ANKRD11: variants seen among roughly 807,000 people sequenced by gnomAD.
ANKRD11 encodes the protein ankyrin repeat domain 11.
A neutral mutation model predicts 195.7 loss-of-function variants in ANKRD11; 17 were observed. That is an observed-to-expected ratio of 0.09 (90% confidence interval 0.06 to 0.13). The LOEUF is 0.13. Ranked by LOEUF, ANKRD11 falls within the 10% of genes least tolerant of loss-of-function variation. ANKRD11 has a pLI of 1.00. For missense variants in ANKRD11, 3,735 were observed against 3,566.1 expected (o/e 1.05, Z -1.21); for synonymous variants, 1,953 against 1,528.1 (o/e 1.28, Z -6.49).
chr16:89,299,084 C>G (rs905203113), intron 4 of ANKRD11: 5 of 152,806 alleles, frequency 3.3e-5, no homozygotes, highest in African/African-American at 7.2e-5. Flanking sequence ...CGGCAGGACC[C>G]AAGTCCTCTG....
intron 1 of ANKRD11, among the ~76,000 whole-genome samples, chr16:89,486,209 T>G (rs961277099): frequency 6.6e-6 from 1 of 151,922 alleles, no homozygotes; most frequent in African/African-American, 2.4e-5. Context: ...CCCAACACTT[T>G]AGGAGACTGA....
Position 89,334,174 on chromosome 16 carries a change from C to G in ANKRD11, c.-59-17096G>C, listed in dbSNP as rs372752530. ...AAAAAAAAAAAAAAAAAAAAAAAAA[C>G]AGAGAGAGAGAGAAAGAAAGAAAAA... On this transcript the variant is annotated intron_variant, in intron 2 of 12. Coordinates refer to ENST00000301030, the MANE Select transcript of ANKRD11 (RefSeq NM_013275.6). 5.9e-3 allele frequency among the ~76,000 whole-genome samples: 439 copies of G among 74,770 alleles called. 8 individuals are homozygous for G. The highest frequency in any genetic ancestry group is 0.026 in the African/African-American group (415 of 16,024). The allele number at this position is 74,770 out of a possible 152,430, so 49.1% of individuals were successfully genotyped here.
chr16:89,450,841 C>A (rs998290052), intron 1 of ANKRD11, among the ~76,000 whole-genome samples: 2 of 152,114 alleles, frequency 1.3e-5, no homozygotes, highest in African/African-American at 4.8e-5. Context: ...TAATATCACA[C>A]AGAAACTAAA....
chr16:89,452,851 T>C (rs1377870970), intron 1 of ANKRD11, among the ~76,000 whole-genome samples: 1 of 151,462 alleles, frequency 6.6e-6, no homozygotes. Context: ...TTCCCCTCAC[T>C]ACTTTTAGAT....
chr16:89,453,545 G>A (rs766808005), intron 1 of ANKRD11, among the ~76,000 whole-genome samples: 1 of 152,172 alleles, frequency 6.6e-6, no homozygotes, highest in Non-Finnish European at 1.5e-5. Flanking sequence ...GGACAAAGCT[G>A]CTTGCCAGCT....
At chr16:89,442,337 G>A (rs1439335483) in intron 1 of ANKRD11, among the ~76,000 whole-genome samples, 2 of 152,200 alleles carry the variant, frequency 1.3e-5, no homozygotes, top group East Asian at 3.9e-4. Flanking sequence ...TTTTGAATGT[G>A]ATGGAGGGAT....
intron 1 of ANKRD11, among the ~76,000 whole-genome samples, chr16:89,449,841 C>T (rs1250581655): frequency 2.0e-5 from 3 of 150,866 alleles, no homozygotes; most frequent in Non-Finnish European, 2.9e-5. Context: ...AGGTAAGGTG[C>T]TCACATACTG....
intron 1 of ANKRD11, among the ~76,000 whole-genome samples, chr16:89,481,562 A>G (rs1029922897): frequency 6.6e-6 from 1 of 152,194 alleles, no homozygotes; most frequent in African/African-American, 2.4e-5. Flanking sequence ...GTCTCAAAAA[A>G]AGAACCATTT....
At chr16:89,302,362 C>T (rs955081786) in intron 4 of ANKRD11, among the ~76,000 whole-genome samples, 1 of 152,222 alleles carries the variant, frequency 6.6e-6, no homozygotes, top group African/African-American at 2.4e-5. Context: ...ACGCAATTCT[C>T]CTGCCTCAGC....
At chr16:89,489,996 AC>A (rs1334359221) in intron 1 of ANKRD11, among the ~76,000 whole-genome samples, 1 of 33,432 alleles carries the variant, frequency 3.0e-5, no homozygotes, top group East Asian at 1.2e-3. Flanking sequence ...CCTCACGGCC[AC>A]CCCGGGCCCC....
At chr16:89,478,514 G>T (rs1251027314) in intron 1 of ANKRD11, among the ~76,000 whole-genome samples, 1 of 152,130 alleles carries the variant, frequency 6.6e-6, no homozygotes, top group Non-Finnish European at 1.5e-5. Flanking sequence ...AAGGTCTCAA[G>T]GACCCACTGC....
At chr16:89,438,553 G>T (rs955823056) in intron 1 of ANKRD11, among the ~76,000 whole-genome samples, 5 of 152,146 alleles carry the variant, frequency 3.3e-5, no homozygotes, top group South Asian at 4.2e-4. Flanking sequence ...GGCTGGTCTT[G>T]AACTTATGAC....
intron 2 of ANKRD11, among the ~76,000 whole-genome samples, chr16:89,346,372 G>C (rs1184254244): frequency 1.8e-4 from 27 of 151,678 alleles, no homozygotes; most frequent in Non-Finnish European, 2.9e-5. Flanking sequence ...CAGACTACAA[G>C]ACAGAAGATC....
chr16:89,416,243 A>G (rs1408813273), intron 2 of ANKRD11, among the ~76,000 whole-genome samples: 1 of 152,130 alleles, frequency 6.6e-6, no homozygotes. Flanking sequence ...TCCTGTCAGC[A>G]GAGTTGCTGA....
Position 89,284,019 on chromosome 16 carries a change from C to G in ANKRD11, c.2523G>C (p.Trp841Cys). 6.2e-7 allele frequency: 1 copy of G among 1,614,150 alleles called. No homozygotes were observed. Among genetic ancestry groups the G allele is most frequent in the Non-Finnish European group, 8.5e-7 (1 of 1,180,040 alleles). ...FSLSDDQRDR[W>C]FSDLSDSSFD... Reference sequence around the variant, plus strand: ...AGGATGAATCGGACAAGTCAGAAAACCACCGATCTCGCTGATCGTCAGAAA... The same window carrying G: ...AGGATGAATCGGACAAGTCAGAAAAGCACCGATCTCGCTGATCGTCAGAAA... The change falls in exon 9 of 13, where the codon TGG becomes TGC. Residue 841 changes from tryptophan (W) to cysteine (C), a missense_variant. Coordinates refer to ENST00000301030, the MANE Select transcript of ANKRD11 (RefSeq NM_013275.6).
Position 89,310,996 on chromosome 16 carries a change from C to T in ANKRD11, c.88-5652G>A, listed in dbSNP as rs543128711. Reference sequence around the variant, plus strand: ...CAATTTTAGGTGGAAAGAATTCAGTCTTTGACATTAAATATGATGTCAGTT... The same window carrying T: ...CAATTTTAGGTGGAAAGAATTCAGTTTTTGACATTAAATATGATGTCAGTT... On this transcript the variant is annotated intron_variant, in intron 3 of 12. Transcript: ENST00000301030. Among the ~76,000 whole-genome samples, 9 of 152,348 alleles carry T rather than the reference C, an allele frequency of 5.9e-5. No individual in the cohort carries two copies. In the South Asian group the frequency reaches 1.9e-3, roughly 32 times the overall value.
chr16:89,465,146 G>A (rs1469717561), intron 1 of ANKRD11, among the ~76,000 whole-genome samples: 2 of 152,244 alleles, frequency 1.3e-5, no homozygotes, highest in Non-Finnish European at 2.9e-5. Flanking sequence ...TGATACAACA[G>A]CAGAGCTGAA....
rs559281818 is a variant in ANKRD11, at chr16:89,447,443, C to T, written c.-144-29075G>A. Among the ~76,000 whole-genome samples the T allele has an allele frequency of 3.3e-5, 5 of 152,254 alleles. No individual in the cohort carries two copies. In the East Asian group the frequency reaches 9.7e-4, roughly 29 times the overall value. Reference sequence around the variant, plus strand: ...GTGTAGCAACCACACAGCTAACACCCAAATCAGAGGGTCCTCATGATCCCA... The same window carrying T: ...GTGTAGCAACCACACAGCTAACACCTAAATCAGAGGGTCCTCATGATCCCA... On this transcript the variant is annotated intron_variant, in intron 1 of 12. Transcript: ENST00000301030.
intron 1 of ANKRD11, among the ~76,000 whole-genome samples, chr16:89,480,263 T>C (rs2057401645): frequency 6.6e-6 from 1 of 151,812 alleles, no homozygotes; most frequent in Non-Finnish European, 1.5e-5. Flanking sequence ...GATCACAAGG[T>C]CAGGAGATTG....
Sources: allele counts gnomAD v4.1 joint callset (sites outside exome capture counted in the v4.1 genomes callset), GRCh38; gene constraint gnomAD v4.1.1; transcripts MANE v1.5; gene names NCBI Gene and HGNC (gene_info 2026-07-23, HGNC 2026-07-21).